The following ADAM2 variants were observed in gnomAD, a reference collection of about 807,000 sequenced individuals.
ADAM2 encodes ADAM metallopeptidase domain 2, also known as disintegrin and metalloproteinase domain-containing protein 2.
A neutral mutation model predicts 99.3 loss-of-function variants in ADAM2; 101 were observed. The observed-to-expected ratio is 1.02, with a 90% CI of 0.87 to 1.20. The LOEUF is 1.20. Among genes scored for constraint, ADAM2 ranks in the 50% most tolerant of loss-of-function variants. The pLI is 0.00. For missense variants in ADAM2, 948 were observed against 878.7 expected, an observed-to-expected ratio of 1.08 and a Z score of -1.00; for synonymous variants, 323 against 287.6, an observed-to-expected ratio of 1.12 and a Z score of -1.25.
Position 39,833,968 on chromosome 8 carries a change from G to C in ADAM2, c.164C>G (p.Pro55Arg). 3.2e-6 allele frequency: 5 copies of C among 1,567,378 alleles called. No homozygotes were observed. Among genetic ancestry groups the C allele is most frequent in the Non-Finnish European group, 4.4e-6 (5 of 1,140,800 alleles). Reference sequence around the variant, plus strand: ...CTTTTGCATTAAATTCACAGTATATGGTTTCCCTTCAATTACAATTTTGTA... The same window carrying C: ...CTTTTGCATTAAATTCACAGTATATCGTTTCCCTTCAATTACAATTTTGTA... ...ASYKIVIEGKPYTVNLMQKNF... is the reference protein window; with the variant it reads ...ASYKIVIEGKRYTVNLMQKNF... The change falls in exon 3 of 21, where the codon CCA (proline) becomes CGA (arginine). Residue 55 changes from proline to arginine, a missense_variant. Physicochemically the swap from Pro to Arg is moderately radical, Grantham distance 103. Transcript: ENST00000265708.
chr8:39,825,162 T>G (rs1167106480), intron 3 of ADAM2, among the ~76,000 whole-genome samples: 1 of 152,216 alleles, frequency 6.6e-6, no homozygotes, highest in Admixed American at 6.5e-5. Context: ...TGTTGGCCAT[T>G]CCTGGAAAGT....
At chr8:39,776,609 A>G (rs920550805) in intron 11 of ADAM2, among the ~76,000 whole-genome samples, 1 of 152,120 alleles carries the variant, frequency 6.6e-6, no homozygotes, top group Admixed American at 6.6e-5. Flanking sequence ...CTCTCATGAC[A>G]AAGAAAAAGC....
chr8:39,815,006 A>G (rs1215001002), intron 6 of ADAM2, among the ~76,000 whole-genome samples: 1 of 152,060 alleles, frequency 6.6e-6, no homozygotes, highest in African/African-American at 2.4e-5. Context: ...AGATGACTAG[A>G]AAGTTCTAGG....
chr8:39,744,865 C>G lies in ADAM2; in HGVS notation c.2203G>C (p.Gly735Arg), dbSNP rs961108210. 2 of 1,602,830 alleles carry G rather than the reference C, an allele frequency of 1.2e-6. No homozygotes were observed. Among genetic ancestry groups the G allele is most frequent in the Admixed American group, 1.7e-5 (1 of 58,424 alleles). Residue 735 changes from glycine (G) to arginine (R), a missense_variant, in exon 20 of 21, where the codon GGG (glycine) becomes CGG (arginine). Transcript: ENST00000265708. ...EQPESESEPK[G>R] Reference sequence around the variant, plus strand: ...TGGCATCTCTGTTGTCCAGACTACCCTTTAGGTTCACTCTCACTTTCAGGT... The same window carrying G: ...TGGCATCTCTGTTGTCCAGACTACCGTTTAGGTTCACTCTCACTTTCAGGT...
chr8:39,804,863 A>G (rs1345501888), intron 7 of ADAM2, among the ~76,000 whole-genome samples: 2 of 152,204 alleles, frequency 1.3e-5, no homozygotes, highest in African/African-American at 4.8e-5. Context: ...TACTCTTAAA[A>G]TACTTGCAGT....
intron 4 of ADAM2, among the ~76,000 whole-genome samples, chr8:39,821,865 A>G (rs945622351): frequency 2.6e-5 from 4 of 152,180 alleles, no homozygotes; most frequent in Non-Finnish European, 4.4e-5. Flanking sequence ...GTATATTTTC[A>G]TATTTCTATA....
At chr8:39,812,540 A>G (rs548616918) in intron 6 of ADAM2, among the ~76,000 whole-genome samples, 2 of 152,228 alleles carry the variant, frequency 1.3e-5, no homozygotes, top group African/African-American at 4.8e-5. Flanking sequence ...ACAAGGCCAC[A>G]GTAACCAAAA....
intron 10 of ADAM2, among the ~76,000 whole-genome samples, chr8:39,780,630 C>T (rs1345784288): frequency 6.6e-6 from 1 of 152,076 alleles, no homozygotes; most frequent in Non-Finnish European, 1.5e-5. Context: ...ACAGCTGTTT[C>T]ACTGTTTGCA....
In ADAM2 at chr8:39,813,100, G is replaced by C. The variant is rs192437979; in HGVS notation, c.514-3634C>G. On this transcript the variant is annotated intron_variant, in intron 6 of 20. Transcript: ENST00000265708. ...AAAAATCAAACAACCCCATCAAAAA[G>C]TGGGTGAAGGATATGAACAGACACT... Among the ~76,000 whole-genome samples, 18 of 152,302 alleles carry C rather than the reference G, an allele frequency of 1.2e-4. No individual in the cohort carries two copies. The South Asian group carries it at 1.7e-3, about 14-fold the overall frequency.
chr8:39,792,572 G>A (rs1208896444), intron 7 of ADAM2, among the ~76,000 whole-genome samples: 1 of 151,970 alleles, frequency 6.6e-6, no homozygotes, highest in Non-Finnish European at 1.5e-5. Flanking sequence ...GCCTTGTGAA[G>A]TTAGGCCCTC....
intron 7 of ADAM2, among the ~76,000 whole-genome samples, chr8:39,807,362 C>T (rs1040113536): frequency 6.6e-6 from 1 of 152,104 alleles, no homozygotes; most frequent in African/African-American, 2.4e-5. Context: ...TTAGATGAGA[C>T]TTTGGACTTT....
chr8:39,777,606 GT>G (rs1441873735), intron 10 of ADAM2, among the ~76,000 whole-genome samples: 1 of 151,960 alleles, frequency 6.6e-6, no homozygotes, highest in African/African-American at 2.4e-5. Flanking sequence ...ATAGAATAAG[GT>G]CTAGTATTTC....
intron 6 of ADAM2, among the ~76,000 whole-genome samples, chr8:39,811,794 A>T (rs1804708089): frequency 6.6e-6 from 1 of 152,236 alleles, no homozygotes. Context: ...AATAAGAGCT[A>T]TTTATGACAA....
intron 7 of ADAM2, among the ~76,000 whole-genome samples, chr8:39,806,699 A>G: frequency 6.6e-6 from 1 of 152,072 alleles, no homozygotes; most frequent in Non-Finnish European, 1.5e-5. Context: ...ATGCAAAATG[A>G]TAGAGAAACT....
chr8:39,822,990 A>G (rs1227595829), intron 4 of ADAM2, among the ~76,000 whole-genome samples: 1 of 152,090 alleles, frequency 6.6e-6, no homozygotes, highest in Admixed American at 6.6e-5. Context: ...GATGGTCTCC[A>G]TCTCTTGACC....
intron 3 of ADAM2, among the ~76,000 whole-genome samples, chr8:39,826,000 A>G (rs919218872): frequency 6.6e-6 from 1 of 152,056 alleles, no homozygotes; most frequent in African/African-American, 2.4e-5. Flanking sequence ...AGCAATATTT[A>G]TTTTTCCAGT....
chr8:39,800,972 G>T (rs372136645), intron 7 of ADAM2, among the ~76,000 whole-genome samples: 3 of 152,196 alleles, frequency 2.0e-5, no homozygotes, highest in African/African-American at 7.2e-5. Flanking sequence ...GTTAGAACAT[G>T]CTCCTTTAGC....
At chr8:39,766,569 G>A (rs899943264) in intron 14 of ADAM2, among the ~76,000 whole-genome samples, 1 of 151,640 alleles carries the variant, frequency 6.6e-6, no homozygotes, top group Non-Finnish European at 1.5e-5. Flanking sequence ...CACCACTTGC[G>A]GCTAATTTTT....
intron 15 of ADAM2, among the ~76,000 whole-genome samples, chr8:39,757,493 T>C (rs1482642410): frequency 2.0e-5 from 3 of 152,180 alleles, no homozygotes; most frequent in Non-Finnish European, 4.4e-5. Context: ...ACGGGTCTAA[T>C]GTCAGTTAGT....
Sources: allele counts gnomAD v4.1 joint callset (sites outside exome capture counted in the v4.1 genomes callset), GRCh38; gene constraint gnomAD v4.1.1; transcripts MANE v1.5; gene names NCBI Gene and HGNC (gene_info 2026-07-23, HGNC 2026-07-21).